The following ALOX5AP variants were observed in gnomAD, a reference collection of about 807,000 sequenced individuals.
ALOX5AP encodes the protein arachidonate 5-lipoxygenase activating protein, also known as arachidonate 5-lipoxygenase-activating protein.
A neutral mutation model predicts 18.5 loss-of-function variants in ALOX5AP; 9 were observed. The ratio of observed to expected loss-of-function variants is 0.49; its 90% CI spans 0.29 to 0.85. The LOEUF (loss-of-function observed/expected upper bound fraction) is 0.85, where lower values mean the gene tolerates loss of function less well. Ranked by LOEUF, ALOX5AP falls within the 40% of genes least tolerant of loss-of-function variation. The pLI is 0.08. For synonymous variants in ALOX5AP, 81 were observed against 78.6 expected (o/e 1.03, Z -0.16); for missense variants, 172 against 202.5 (o/e 0.85, Z 0.91).
intron 1 of ALOX5AP, among the ~76,000 whole-genome samples, chr13:30,743,527 C>A (rs1171650987): frequency 2.0e-5 from 3 of 152,006 alleles, no homozygotes; most frequent in Non-Finnish European, 2.9e-5. Context: ...GCCCTCCATT[C>A]CCCCTCCTTG....
upstream of ALOX5AP, chr13:30,735,484 G>A (rs200553849): frequency 8.6e-7 from 1 of 1,163,234 alleles, no homozygotes; most frequent in Non-Finnish European, 1.2e-6. Context: ...CTGTGTAATT[G>A]TGCCGGGGAT....
chr13:30,733,456 C>T (rs1465214761), upstream of ALOX5AP, among the ~76,000 whole-genome samples: 1 of 152,212 alleles, frequency 6.6e-6, no homozygotes, highest in Non-Finnish European at 1.5e-5. Context: ...AAAACCTAAA[C>T]ATCCCCTGAA....
intron 4 of ALOX5AP, among the ~76,000 whole-genome samples, chr13:30,758,836 A>G (rs577926969): frequency 2.0e-4 from 30 of 147,412 alleles, no homozygotes; most frequent in African/African-American, 7.4e-4. Flanking sequence ...ACCTCACCTT[A>G]CATAGTCTTG....
At chr13:30,745,419 C>T (rs1436873109) in intron 2 of ALOX5AP, among the ~76,000 whole-genome samples, 1 of 152,156 alleles carries the variant, frequency 6.6e-6, no homozygotes, top group Non-Finnish European at 1.5e-5. Context: ...TTCAGACAGC[C>T]CCTGAGTACT....
intron 4 of ALOX5AP, among the ~76,000 whole-genome samples, chr13:30,760,942 C>T (rs1372468177): frequency 6.6e-6 from 1 of 152,178 alleles, no homozygotes; most frequent in African/African-American, 2.4e-5. Context: ...GAGATGTCCT[C>T]CTTGTTCAAG....
At chr13:30,723,772 T>C (rs576854309) in intron 1 of ALOX5AP, among the ~76,000 whole-genome samples, 1 of 152,218 alleles carries the variant, frequency 6.6e-6, no homozygotes. Flanking sequence ...TTTAATTTTT[T>C]AAATTTTTTT....
At chr13:30,745,462 C>T (rs1951802098) in intron 2 of ALOX5AP, among the ~76,000 whole-genome samples, 1 of 152,200 alleles carries the variant, frequency 6.6e-6, no homozygotes, top group Non-Finnish European at 1.5e-5. Flanking sequence ...ACCTAGATCT[C>T]CCTCTTTCTC....
intron 4 of ALOX5AP, among the ~76,000 whole-genome samples, chr13:30,762,815 C>T (rs903903134): frequency 5.3e-5 from 8 of 152,070 alleles, no homozygotes; most frequent in Non-Finnish European, 1.0e-4. Context: ...AGGATCTTTA[C>T]TAACAATCCT....
intron 3 of ALOX5AP, 66 bp from the exon 4 acceptor site, chr13:30,755,878 A>G: frequency 6.7e-7 from 1 of 1,485,130 alleles, no homozygotes; most frequent in Admixed American, 1.7e-5. Flanking sequence ...TTGATTGCCT[A>G]ATTGGGCTAA....
intron 1 of ALOX5AP, 93 bp from the exon 2 acceptor site, chr13:30,743,967 C>A: frequency 9.5e-7 from 1 of 1,055,466 alleles, no homozygotes; most frequent in Non-Finnish European, 1.4e-6. Context: ...GAGGTCAAGT[C>A]AAGGAGGCAT....
At chr13:30,730,751 C>A (rs1348673546), upstream of ALOX5AP, among the ~76,000 whole-genome samples, 1 of 152,192 alleles carries the variant, frequency 6.6e-6, no homozygotes, top group East Asian at 1.9e-4. Context: ...CATGTTGATG[C>A]GAAGTGTCTG....
chr13:30,724,682 A>C (rs1354164098), intron 1 of ALOX5AP, among the ~76,000 whole-genome samples: 2 of 152,214 alleles, frequency 1.3e-5, no homozygotes, highest in African/African-American at 4.8e-5. Flanking sequence ...TATCAATAAT[A>C]AACACAGAAT....
chr13:30,747,650 TA>T (rs1258627883), intron 2 of ALOX5AP, among the ~76,000 whole-genome samples: 2 of 152,188 alleles, frequency 1.3e-5, no homozygotes, highest in African/African-American at 4.8e-5. Context: ...TGGAGAGGTG[TA>T]ATTTTCTAAA....
At chr13:30,733,859 T>A (rs1188515416), upstream of ALOX5AP, among the ~76,000 whole-genome samples, 1 of 150,708 alleles carries the variant, frequency 6.6e-6, no homozygotes, top group African/African-American at 2.5e-5. Context: ...GGATTCAGAC[T>A]GGGTCTTGCA....
intron 2 of ALOX5AP, among the ~76,000 whole-genome samples, chr13:30,750,078 C>T (rs968674494): frequency 6.6e-6 from 1 of 152,106 alleles, no homozygotes; most frequent in Non-Finnish European, 1.5e-5. Context: ...TTTCTGGGCC[C>T]CAACACAGAG....
chr13:30,719,553 A>C (rs1951577444), intron 1 of ALOX5AP, among the ~76,000 whole-genome samples: 1 of 152,224 alleles, frequency 6.6e-6, no homozygotes, highest in Non-Finnish European at 1.5e-5. Flanking sequence ...TCAGAGAACT[A>C]AGCTTGTTAC....
At chr13:30,752,700 T>A (rs1951862407) in intron 3 of ALOX5AP, among the ~76,000 whole-genome samples, 1 of 152,258 alleles carries the variant, frequency 6.6e-6, no homozygotes, top group Non-Finnish European at 1.5e-5. Flanking sequence ...CCTGGCACTG[T>A]GCCTGGTGGC....
At chr13:30,759,272 T>C (rs1294728844) in intron 4 of ALOX5AP, among the ~76,000 whole-genome samples, 10 of 152,028 alleles carry the variant, frequency 6.6e-5, no homozygotes, top group Admixed American at 6.6e-4. Context: ...TCCCATGGAG[T>C]CCTGTCCTCT....
At chr13:30,763,495 G>C (rs1951962430) in intron 4 of ALOX5AP, among the ~76,000 whole-genome samples, 1 of 152,156 alleles carries the variant, frequency 6.6e-6, no homozygotes, top group South Asian at 2.1e-4. Flanking sequence ...GATTCCACCG[G>C]TTTTATCGGC....
Sources: gnomAD v4.1 joint callset for allele counts (sites outside exome capture counted in the v4.1 genomes callset) on GRCh38, gnomAD v4.1.1 for gene constraint, MANE v1.5 for transcripts, NCBI Gene and HGNC (gene_info 2026-07-23, HGNC 2026-07-21) for gene names.